The following NAALADL2 variants were observed in gnomAD, a reference collection of about 807,000 sequenced individuals.
NAALADL2 encodes inactive N-acetylated-alpha-linked acidic dipeptidase-like protein 2.
In NAALADL2, 76 loss-of-function variants were observed where a neutral mutation model predicts 87.2. The ratio of observed to expected loss-of-function variants is 0.87; its 90% CI spans 0.72 to 1.05. NAALADL2 has a LOEUF of 1.05. Among genes scored for constraint, NAALADL2 ranks in the 50% least tolerant of loss-of-function variants. NAALADL2 has a pLI of 0.00. For missense variants in NAALADL2, 1,089 were observed against 945.8 expected, an observed-to-expected ratio of 1.15 and a Z score of -1.99; for synonymous variants, 354 against 331.0, an observed-to-expected ratio of 1.07 and a Z score of -0.75.
intron 5 of NAALADL2, among the ~76,000 whole-genome samples, chr3:175,389,843 ATGTTT>A (rs1188171654): frequency 6.6e-6 from 1 of 152,196 alleles, no homozygotes; most frequent in East Asian, 1.9e-4. Context: ...GGAGAGAACA[ATGTTT>A]CTTACAAACA....
chr3:175,132,211 C>T (rs375913116), intron 2 of NAALADL2, among the ~76,000 whole-genome samples: 4 of 71,152 alleles, frequency 5.6e-5, no homozygotes, highest in African/African-American at 2.4e-4. Context: ...TAGGGGCGGC[C>T]GGGCAGAGGC....
At chr3:175,787,003 T>G (rs905551497) in intron 13 of NAALADL2, among the ~76,000 whole-genome samples, 7 of 151,800 alleles carry the variant, frequency 4.6e-5, no homozygotes, top group Admixed American at 3.3e-4. Flanking sequence ...TGCTGGGGGG[T>G]GCCTCCCAGT....
intron 4 of NAALADL2, among the ~76,000 whole-genome samples, chr3:175,319,646 C>A (rs904322170): frequency 6.6e-6 from 1 of 152,038 alleles, no homozygotes; most frequent in Non-Finnish European, 1.5e-5. Context: ...AAGGTGAAAG[C>A]ACGTATCTAC....
At chr3:175,086,753 T>C (rs540148032) in intron 1 of NAALADL2, among the ~76,000 whole-genome samples, 13 of 152,250 alleles carry the variant, frequency 8.5e-5, no homozygotes, top group African/African-American at 2.6e-4. Context: ...GTAAATTGTT[T>C]AGTTGCTTGA....
chr3:175,744,044 C>T (rs1745599991), intron 12 of NAALADL2, among the ~76,000 whole-genome samples: 1 of 152,152 alleles, frequency 6.6e-6, no homozygotes, highest in Non-Finnish European at 1.5e-5. Context: ...GGTGAAAAAG[C>T]ACTGCTGCCT....
intron 9 of NAALADL2, among the ~76,000 whole-genome samples, chr3:175,484,393 C>G (rs949656725): frequency 1.3e-5 from 2 of 152,036 alleles, no homozygotes; most frequent in African/African-American, 2.4e-5. Context: ...ACCTTTTAAT[C>G]ATTATAAAAT....
intron 5 of NAALADL2, among the ~76,000 whole-genome samples, chr3:175,368,118 T>C (rs1382769156): frequency 6.6e-6 from 1 of 152,218 alleles, no homozygotes. Flanking sequence ...GATAATCATG[T>C]GGTTTTTGTC....
intron 5 of NAALADL2, among the ~76,000 whole-genome samples, chr3:175,396,317 A>T (rs1037855961): frequency 4.6e-5 from 7 of 152,168 alleles, no homozygotes; most frequent in Non-Finnish European, 4.4e-5. Context: ...TACTGATTTT[A>T]ATTTAAAAAC....
chr3:175,636,865 G>A (rs1728635705), intron 11 of NAALADL2, among the ~76,000 whole-genome samples: 1 of 152,038 alleles, frequency 6.6e-6, no homozygotes, highest in African/African-American at 2.4e-5. Flanking sequence ...AAAAATATAT[G>A]ACATTTTAAG....
At chr3:175,327,444 C>T (rs576114073) in intron 5 of NAALADL2, among the ~76,000 whole-genome samples, 55 of 152,160 alleles carry the variant, frequency 3.6e-4, no homozygotes, top group African/African-American at 1.1e-3. Context: ...CGTGAGCCAC[C>T]GCACCCTGCC....
intron 5 of NAALADL2, among the ~76,000 whole-genome samples, chr3:175,345,152 ATAAG>A (rs1318148969): frequency 1.3e-5 from 2 of 152,206 alleles, no homozygotes; most frequent in Non-Finnish European, 2.9e-5. Flanking sequence ...TTAAATAAAT[ATAAG>A]TAAGCTAGTC....
chr3:174,569,894 G>T (rs1029550089), intron 2 of NAALADL2, among the ~76,000 whole-genome samples: 1 of 151,926 alleles, frequency 6.6e-6, no homozygotes, highest in Non-Finnish European at 1.5e-5. Flanking sequence ...TTATTATTAG[G>T]CAAACAACTC....
intron 3 of NAALADL2, among the ~76,000 whole-genome samples, chr3:174,797,822 G>A (rs1051267852): frequency 4.6e-5 from 7 of 151,958 alleles, no homozygotes; most frequent in Admixed American, 4.6e-4. Flanking sequence ...TATGGGTTAT[G>A]TTTTCATTTT....
chr3:175,698,469 G>A lies in NAALADL2; in HGVS notation c.1897-38837G>A, dbSNP rs1374412638. 7.6e-5 allele frequency among the ~76,000 whole-genome samples: 8 copies of A among 105,050 alleles called. 1 individual carries two copies. Among genetic ancestry groups the A allele is most frequent in the African/African-American group, 3.5e-4 (7 of 19,836 alleles). 68.9% of individuals were successfully genotyped at this position (105,050 alleles called of 152,430 possible). A position where few individuals can be genotyped will look rare whatever the true frequency, so the allele number is the denominator to read the frequency against. On this transcript the variant is annotated intron_variant, in intron 11 of 13. Coordinates refer to ENST00000454872, the MANE Select transcript of NAALADL2 (RefSeq NM_207015.3). ...TATGTATACATATATGTGTATATAT[G>A]TGTGTATATATATTTATATATATAT...
At chr3:175,783,183 A>T (rs1340156010) in intron 13 of NAALADL2, among the ~76,000 whole-genome samples, 1 of 152,190 alleles carries the variant, frequency 6.6e-6, no homozygotes, top group East Asian at 1.9e-4. Context: ...TGACTTGGTG[A>T]TGCAGGCTCT....
At chr3:175,377,869 A>G (rs1376405563) in intron 5 of NAALADL2, among the ~76,000 whole-genome samples, 1 of 152,176 alleles carries the variant, frequency 6.6e-6, no homozygotes, top group Non-Finnish European at 1.5e-5. Flanking sequence ...CTTCAGGGGA[A>G]GATTACCTTC....
intron 5 of NAALADL2, among the ~76,000 whole-genome samples, chr3:175,398,840 G>C (rs1380190616): frequency 6.6e-6 from 1 of 151,904 alleles, no homozygotes; most frequent in Non-Finnish European, 1.5e-5. Flanking sequence ...TTACAGGATA[G>C]GGGTCCCGAT....
At chr3:175,367,523 C>T (rs952964113) in intron 5 of NAALADL2, among the ~76,000 whole-genome samples, 2 of 152,134 alleles carry the variant, frequency 1.3e-5, no homozygotes, top group Non-Finnish European at 2.9e-5. Flanking sequence ...TTTGTGTCCT[C>T]TTTTATTTCC....
At chr3:175,301,808 T>A (rs12633108) in intron 4 of NAALADL2, among the ~76,000 whole-genome samples, 25,459 of 152,158 alleles carry the variant, frequency 0.17, 2,259 homozygotes, top group African/African-American at 0.21. Context: ...TACTCAATAA[T>A]TTTGATGCTT....
Sources: allele counts gnomAD v4.1 joint callset (sites outside exome capture counted in the v4.1 genomes callset), GRCh38; gene constraint gnomAD v4.1.1; transcripts MANE v1.5; gene names NCBI Gene and HGNC (gene_info 2026-07-23, HGNC 2026-07-21).